SIPA1L1: variants seen among roughly 807,000 people sequenced by gnomAD.
SIPA1L1 encodes signal induced proliferation associated 1 like 1.
SIPA1L1 carries 26 observed loss-of-function variants against 162.7 expected under a neutral mutation model. That is an observed-to-expected ratio of 0.16 (90% CI 0.12 to 0.22). The LOEUF (loss-of-function observed/expected upper bound fraction) is 0.22. SIPA1L1 is among the 10% of genes least tolerant of loss of function. The pLI is 1.00. For missense variants in SIPA1L1, 1,874 were observed against 2,241.0 expected (o/e 0.84, Z 3.31); for synonymous variants, 829 against 837.4 (o/e 0.99, Z 0.17).
chr14:71,341,494 A>G lies in SIPA1L1; in HGVS notation c.-465+20313A>G, dbSNP rs187367595. On this transcript the variant is annotated intron_variant, in intron 2 of 23. Transcript: ENST00000381232. The stretch of plus-strand genomic sequence containing the variant: ...CTGGAGGCATATTAGAAATATACAG[A>G]TTTTTTTCTCCCCAACTTTTGTTTT... 9.9e-5 allele frequency among the ~76,000 whole-genome samples: 15 copies of G among 152,136 alleles called. No homozygotes were observed. In the East Asian group the frequency reaches 2.9e-3, roughly 29 times the overall value.
intron 2 of SIPA1L1, among the ~76,000 whole-genome samples, chr14:71,421,705 C>A (rs1376296289): frequency 6.6e-6 from 1 of 152,178 alleles, no homozygotes; most frequent in African/African-American, 2.4e-5. Flanking sequence ...CCCTCCCTTT[C>A]TTCCTTTCTT....
At chr14:71,544,296 T>G (rs1341690870) in intron 4 of SIPA1L1, among the ~76,000 whole-genome samples, 1 of 112,632 alleles carries the variant, frequency 8.9e-6, no homozygotes, top group Non-Finnish European at 2.3e-5. Flanking sequence ...TATACATATA[T>G]ATCATGTGTG....
chr14:71,572,263 T>C (rs1309736075), intron 4 of SIPA1L1, among the ~76,000 whole-genome samples: 1 of 152,204 alleles, frequency 6.6e-6, no homozygotes, highest in Non-Finnish European at 1.5e-5. Context: ...ACTGCCACAC[T>C]GGGGATTAAG....
At chr14:71,545,385 A>G (rs963646126) in intron 4 of SIPA1L1, among the ~76,000 whole-genome samples, 9 of 152,190 alleles carry the variant, frequency 5.9e-5, no homozygotes, top group African/African-American at 1.9e-4. Context: ...GTAGTTTTCA[A>G]TATAGATGTT....
intron 2 of SIPA1L1, among the ~76,000 whole-genome samples, chr14:71,451,284 T>TCTCA (rs1453507769): frequency 6.6e-6 from 1 of 151,838 alleles, no homozygotes; most frequent in African/African-American, 2.4e-5. Context: ...ATAAAAAGGG[T>TCTCA]ACAAATTTTT....
rs2032698309 is a variant in SIPA1L1, at chr14:71,574,699, A to T, written c.-302-12872A>T. The T allele has an allele frequency of 3.5e-5, 2 of 56,908 alleles. 1 individual carries two copies. The highest frequency in any genetic ancestry group is 1.4e-3 in the South Asian group (2 of 1,446). 3.5% of individuals were successfully genotyped at this position (56,908 alleles called of 1,614,324 possible). A position where few individuals can be genotyped will look rare whatever the true frequency, so the allele number is the denominator to read the frequency against. The stretch of plus-strand genomic sequence containing the variant: ...ATTTTACTTTGTCACAAAAATGAAA[A>T]GGTTGGCAAAAAAAAAAAAAGACTT... On this transcript the variant is annotated intron_variant, in intron 4 of 23. Transcript: ENST00000381232.
chr14:71,704,598 T>C, intron 15 of SIPA1L1: 1 of 692,868 alleles, frequency 1.4e-6, no homozygotes, highest in Non-Finnish European at 2.6e-6. Flanking sequence ...ATAGTGGTGT[T>C]ATGGAGGATA....
intron 10 of SIPA1L1, 114 bp downstream of exon 10, chr14:71,661,581 T>C: frequency 1.7e-6 from 2 of 1,154,202 alleles, no homozygotes; most frequent in Non-Finnish European, 2.4e-6. Flanking sequence ...CTATTTCTTT[T>C]TGTCTTTAAA....
chr14:71,549,460 A>G (rs2055580435), intron 4 of SIPA1L1, among the ~76,000 whole-genome samples: 1 of 151,838 alleles, frequency 6.6e-6, no homozygotes, highest in African/African-American at 2.4e-5. Flanking sequence ...ATTATTTCTG[A>G]TGTTTTATTT....
intron 13 of SIPA1L1, among the ~76,000 whole-genome samples, chr14:71,688,713 T>C (rs1452564746): frequency 6.6e-6 from 1 of 152,194 alleles, no homozygotes; most frequent in African/African-American, 2.4e-5. Flanking sequence ...ATTTGTACCT[T>C]GTACTCACCA....
intron 2 of SIPA1L1, among the ~76,000 whole-genome samples, chr14:71,491,247 C>A (rs2049223686): frequency 6.6e-6 from 1 of 152,118 alleles, no homozygotes; most frequent in Admixed American, 6.5e-5. Context: ...GAATGTGGCT[C>A]TTGGAAACTC....
At chr14:71,648,196 G>A (rs1260847188) in intron 7 of SIPA1L1, among the ~76,000 whole-genome samples, 1 of 152,114 alleles carries the variant, frequency 6.6e-6, no homozygotes, top group Admixed American at 6.5e-5. Context: ...AGGCTGAGGA[G>A]GGAGAATCGC....
chr14:71,522,438 A>C (rs1310301114), intron 3 of SIPA1L1, among the ~76,000 whole-genome samples: 2 of 152,142 alleles, frequency 1.3e-5, no homozygotes, highest in African/African-American at 4.8e-5. Context: ...TGGGACCAGA[A>C]GTGTTTTGGA....
At chr14:71,707,048 A>G (rs1022997161) in intron 16 of SIPA1L1, among the ~76,000 whole-genome samples, 2 of 151,004 alleles carry the variant, frequency 1.3e-5, no homozygotes, top group African/African-American at 4.9e-5. Flanking sequence ...AAAAAAAAAA[A>G]AAGAAACTGG....
At chr14:71,640,232 A>G (rs958580337) in intron 7 of SIPA1L1, among the ~76,000 whole-genome samples, 19 of 152,124 alleles carry the variant, frequency 1.2e-4, no homozygotes, top group African/African-American at 4.3e-4. Flanking sequence ...AGCATCAACA[A>G]TTAATTCAAA....
chr14:71,550,910 A>C (rs910549109), intron 4 of SIPA1L1, among the ~76,000 whole-genome samples: 2 of 152,124 alleles, frequency 1.3e-5, no homozygotes, highest in Non-Finnish European at 2.9e-5. Flanking sequence ...TTAGCTGGGC[A>C]TGGTGGCATG....
intron 4 of SIPA1L1, among the ~76,000 whole-genome samples, chr14:71,551,326 CCT>C (rs2055809108): frequency 6.6e-6 from 1 of 152,136 alleles, no homozygotes; most frequent in South Asian, 2.1e-4. Flanking sequence ...TTCTAGGAAA[CCT>C]CTTCTTCCCA....
At chr14:71,536,702 T>C (rs1186864753) in intron 4 of SIPA1L1, among the ~76,000 whole-genome samples, 3 of 152,246 alleles carry the variant, frequency 2.0e-5, no homozygotes, top group Non-Finnish European at 4.4e-5. Context: ...TTGCTGGATT[T>C]CACTTCTGCA....
chr14:71,645,162 T>C (rs115798453), intron 7 of SIPA1L1, among the ~76,000 whole-genome samples: 2,132 of 152,346 alleles, frequency 0.014, 41 homozygotes, highest in African/African-American at 0.049. Context: ...CCTTTGACCC[T>C]GCCTCCATTG....
Sources: allele counts gnomAD v4.1 joint callset (sites outside exome capture counted in the v4.1 genomes callset), GRCh38; gene constraint gnomAD v4.1.1; transcripts MANE v1.5; gene names NCBI Gene and HGNC (gene_info 2026-07-23, HGNC 2026-07-21).